TMTC2: variants seen among roughly 807,000 people sequenced by gnomAD.
The protein encoded by TMTC2 is protein O-mannosyl-transferase TMTC2.
TMTC2 carries 43 observed loss-of-function variants against 82.4 expected under a neutral mutation model. The ratio of observed to expected loss-of-function variants is 0.52; its 90% confidence interval spans 0.41 to 0.67. TMTC2 has a LOEUF of 0.67. Among genes scored for constraint, TMTC2 ranks in the 30% least tolerant of loss-of-function variants. The probability of loss-of-function intolerance (pLI) is 0.00; values close to 1 mark genes in which losing one functional copy is unlikely to be tolerated. For missense variants in TMTC2, 919 were observed against 1,012.4 expected, an observed-to-expected ratio of 0.91 and a Z score of 1.25; for synonymous variants, 408 against 381.9, an observed-to-expected ratio of 1.07 and a Z score of -0.80.
chr12:82,803,554 A>T (rs780426621), intron 1 of TMTC2, among the ~76,000 whole-genome samples: 4 of 152,098 alleles, frequency 2.6e-5, no homozygotes, highest in African/African-American at 4.8e-5. Flanking sequence ...CAGGAATTGG[A>T]TGAGTAGGCT....
In TMTC2 at chr12:82,876,069, A is replaced by ATGG. The variant is rs1244436181; in HGVS notation, c.654+18491_654+18492insGTG. Among the ~76,000 whole-genome samples, 255 of 102,208 alleles carry ATGG rather than the reference A, an allele frequency of 2.5e-3. 27 individuals carry two copies. The highest frequency in any genetic ancestry group is 7.8e-3 in the African/African-American group (141 of 18,044). 67.1% of individuals were successfully genotyped at this position (102,208 alleles called of 152,430 possible). A position where few individuals can be genotyped will look rare whatever the true frequency, so the allele number is the denominator to read the frequency against. On this transcript the variant is annotated intron_variant, in intron 2 of 11. Coordinates refer to ENST00000321196, the MANE Select transcript of TMTC2 (RefSeq NM_152588.3). ...GGTGGTGGTGGTGGTGGTGGTGGTG[A>ATGG]TGATGATGATGGTGATTAGTATTCA... is the stretch of plus-strand genomic sequence containing the variant.
intron 1 of TMTC2, among the ~76,000 whole-genome samples, chr12:82,854,700 G>A (rs895591624): frequency 3.3e-5 from 5 of 152,038 alleles, no homozygotes; most frequent in African/African-American, 4.8e-5. Context: ...GAACCATCCC[G>A]GCCACATGGA....
intron 2 of TMTC2, among the ~76,000 whole-genome samples, chr12:82,859,350 G>A (rs1361971087): frequency 6.6e-6 from 1 of 152,140 alleles, no homozygotes; most frequent in African/African-American, 2.4e-5. Flanking sequence ...ACAGGTGTGA[G>A]CCACCGCACC....
intron 1 of TMTC2, among the ~76,000 whole-genome samples, chr12:82,717,218 CTT>C (rs200275370): frequency 0.11 from 14,742 of 138,918 alleles, 812 homozygotes; most frequent in East Asian, 0.24. Context: ...GCAAAAGGCA[CTT>C]TTTTTTTTTT....
chr12:82,913,991 T>C (rs1874850913), intron 3 of TMTC2, among the ~76,000 whole-genome samples: 1 of 152,126 alleles, frequency 6.6e-6, no homozygotes, highest in Non-Finnish European at 1.5e-5. Context: ...AAAATCCACA[T>C]ATAAGTAGAA....
intron 1 of TMTC2, among the ~76,000 whole-genome samples, chr12:82,772,831 A>G (rs1030961453): frequency 6.6e-6 from 1 of 152,094 alleles, no homozygotes; most frequent in Non-Finnish European, 1.5e-5. Flanking sequence ...TTTTTTCGCT[A>G]ATGATCTGTG....
At chr12:82,985,780 G>A in intron 7 of TMTC2, 145 bp from the exon 8 acceptor site, 1 of 1,036,080 alleles carries the variant, frequency 9.7e-7, no homozygotes, top group East Asian at 2.5e-5. Flanking sequence ...GACTTCTTTG[G>A]GAATCAGATG....
chr12:82,846,404 C>G (rs898231698), intron 1 of TMTC2, among the ~76,000 whole-genome samples: 5 of 151,896 alleles, frequency 3.3e-5, no homozygotes, highest in Non-Finnish European at 5.9e-5. Context: ...AGGTAAACTT[C>G]TTGACTTGAG....
At chr12:82,993,892 T>C (rs1449276055) in intron 8 of TMTC2, among the ~76,000 whole-genome samples, 1 of 152,148 alleles carries the variant, frequency 6.6e-6, no homozygotes, top group East Asian at 1.9e-4. Context: ...GGGAAGGCTG[T>C]CTGCTATTTG....
intron 1 of TMTC2, among the ~76,000 whole-genome samples, chr12:82,723,281 G>C (rs1874294843): frequency 6.6e-6 from 1 of 152,138 alleles, no homozygotes; most frequent in Admixed American, 6.5e-5. Context: ...CTCTCCTAGT[G>C]GTTGGAAAGC....
intron 1 of TMTC2, among the ~76,000 whole-genome samples, chr12:82,711,289 C>T (rs1472363279): frequency 6.6e-6 from 1 of 152,142 alleles, no homozygotes; most frequent in Non-Finnish European, 1.5e-5. Flanking sequence ...ATCACCTACG[C>T]TAACAGAATG....
At chr12:82,804,362 TTCCTC>T (rs1334312170) in intron 1 of TMTC2, among the ~76,000 whole-genome samples, 1 of 152,164 alleles carries the variant, frequency 6.6e-6, no homozygotes, top group Admixed American at 6.5e-5. Context: ...TTTTATTGAC[TTCCTC>T]TGAAAATTTC....
intron 11 of TMTC2, among the ~76,000 whole-genome samples, chr12:83,116,231 G>A (rs1884757370): frequency 6.6e-6 from 1 of 152,128 alleles, no homozygotes; most frequent in Non-Finnish European, 1.5e-5. Context: ...GTCTCATCTA[G>A]GTTGTGGCAA....
chr12:83,096,918 G>A (rs189356830), intron 11 of TMTC2, among the ~76,000 whole-genome samples: 79 of 152,200 alleles, frequency 5.2e-4, no homozygotes, highest in African/African-American at 1.9e-3. Flanking sequence ...CCTACACTTT[G>A]CCTTACATTC....
intron 1 of TMTC2, among the ~76,000 whole-genome samples, chr12:82,809,788 C>T (rs1879404510): frequency 6.6e-6 from 1 of 152,048 alleles, no homozygotes; most frequent in African/African-American, 2.4e-5. Flanking sequence ...TCAGGAATTA[C>T]TAACATACAA....
intron 1 of TMTC2, among the ~76,000 whole-genome samples, chr12:82,735,633 C>A (rs559850920): frequency 6.6e-6 from 1 of 151,194 alleles, no homozygotes; most frequent in Non-Finnish European, 1.5e-5. Flanking sequence ...GCGTGAGCCA[C>A]CGCACCCAGC....
intron 1 of TMTC2, among the ~76,000 whole-genome samples, chr12:82,802,101 G>C (rs575555652): frequency 6.6e-6 from 1 of 152,212 alleles, no homozygotes; most frequent in East Asian, 1.9e-4. Context: ...TGGCGTTCGT[G>C]GGGGAGGCTC....
At chr12:83,073,350 T>G (rs2137491621) in intron 11 of TMTC2, among the ~76,000 whole-genome samples, 1 of 152,350 alleles carries the variant, frequency 6.6e-6, no homozygotes, top group East Asian at 1.9e-4. Context: ...AAATCTGCTG[T>G]TAATCTGATA....
At chr12:82,987,553 A>G (rs1319478602) in intron 8 of TMTC2, among the ~76,000 whole-genome samples, 3 of 152,270 alleles carry the variant, frequency 2.0e-5, no homozygotes, top group South Asian at 2.1e-4. Flanking sequence ...TAAACTGAGC[A>G]TGAGTAGTAA....
Sources: gnomAD v4.1 joint callset for allele counts (sites outside exome capture counted in the v4.1 genomes callset) on GRCh38, gnomAD v4.1.1 for gene constraint, MANE v1.5 for transcripts, NCBI Gene and HGNC (gene_info 2026-07-23, HGNC 2026-07-21) for gene names.